The following USH2A variants were observed in gnomAD, a reference collection of about 807,000 sequenced individuals.
USH2A encodes the protein Usher syndrome 2A (autosomal recessive, mild).
USH2A carries 443 observed loss-of-function variants against 538.9 expected under a neutral mutation model. The ratio of observed to expected loss-of-function variants is 0.82; its 90% CI spans 0.76 to 0.89. USH2A has a LOEUF of 0.89. USH2A is among the 40% of genes least tolerant of loss of function. The pLI is 0.00. For missense variants in USH2A, 6,633 were observed against 6,324.8 expected (o/e 1.05, Z -1.65); for synonymous variants, 2,413 against 2,273.5 (o/e 1.06, Z -1.75).
chr1:216,068,151 C>T lies in USH2A; in HGVS notation c.6049+1950G>A, dbSNP rs75131591. On this transcript the variant is annotated intron_variant, in intron 30 of 71. Coordinates refer to ENST00000307340, the MANE Select transcript of USH2A (RefSeq NM_206933.4). Reference sequence around the variant, plus strand: ...ACATAGAGTGTCAAGTGTTTTTTGCCTATGTAAACATGGCAGTTTTTGGTG... The same window carrying T: ...ACATAGAGTGTCAAGTGTTTTTTGCTTATGTAAACATGGCAGTTTTTGGTG... 1.6e-3 allele frequency among the ~76,000 whole-genome samples: 249 copies of T among 152,110 alleles called. 8 individuals carry two copies. In the East Asian group the frequency reaches 0.043, roughly 26 times the overall value.
intron 44 of USH2A, among the ~76,000 whole-genome samples, chr1:215,853,029 A>G (rs574214511): frequency 1.4e-4 from 21 of 152,322 alleles, no homozygotes; most frequent in South Asian, 6.2e-4. Context: ...CAGTGCCCCA[A>G]TGAGGACTCA....
chr1:215,756,423 C>T (rs1660794536), intron 58 of USH2A, among the ~76,000 whole-genome samples: 1 of 152,194 alleles, frequency 6.6e-6, no homozygotes, highest in Admixed American at 6.5e-5. Flanking sequence ...ACTTCCCAGT[C>T]ATATGGCAAA....
At position 216,349,142 on chromosome 1, in the gene USH2A, C is replaced by T. The variant is rs756357218; in HGVS notation, c.784+15811G>A. On this transcript the variant is annotated intron_variant, in intron 4 of 71. Coordinates refer to ENST00000307340, the MANE Select transcript of USH2A (RefSeq NM_206933.4). ...TTCCAGGTATCAACTTTTGTCAGAA[C>T]TCAAGTATTCTGAATGGACCTTGAC... is the stretch of plus-strand genomic sequence containing the variant. 8.3e-4 allele frequency among the ~76,000 whole-genome samples: 127 copies of T among 152,186 alleles called. 1 individual carries two copies. Among genetic ancestry groups the T allele is most frequent in the Middle Eastern group, 3.4e-3 (1 of 294 alleles).
chr1:216,067,423 A>C (rs1558239999), intron 30 of USH2A, among the ~76,000 whole-genome samples: 2 of 152,004 alleles, frequency 1.3e-5, no homozygotes, highest in Non-Finnish European at 1.5e-5. Context: ...AATTAAAAAA[A>C]AAAGAAAGAA....
At chr1:215,925,274 G>T (rs550842285) in intron 38 of USH2A, among the ~76,000 whole-genome samples, 3 of 152,100 alleles carry the variant, frequency 2.0e-5, no homozygotes, top group South Asian at 4.1e-4. Context: ...AGAAAGCATG[G>T]GTTAAATTAA....
intron 21 of USH2A, among the ~76,000 whole-genome samples, chr1:216,128,316 G>A (rs2033298853): frequency 6.6e-6 from 1 of 152,046 alleles, no homozygotes; most frequent in Non-Finnish European, 1.5e-5. Flanking sequence ...AACGCAATGA[G>A]GCTTAGAGTG....
intron 4 of USH2A, among the ~76,000 whole-genome samples, chr1:216,345,073 G>T (rs1049377165): frequency 6.6e-6 from 1 of 151,872 alleles, no homozygotes; most frequent in South Asian, 2.1e-4. Context: ...TCAAGCGGCA[G>T]CCTGAACTTT....
chr1:215,640,785 T>C (rs770143161), intron 67 of USH2A, 51 bp from the exon 68 acceptor site: 12 of 1,571,732 alleles, frequency 7.6e-6, no homozygotes, highest in Admixed American at 1.8e-5. Context: ...TTTGAAGGAG[T>C]GCAGGTGTGC....
intron 4 of USH2A, among the ~76,000 whole-genome samples, chr1:216,347,746 T>C (rs763635033): frequency 3.3e-5 from 5 of 152,152 alleles, no homozygotes; most frequent in Non-Finnish European, 7.4e-5. Flanking sequence ...CTTTAATATA[T>C]GTCGTTCTAA....
At chr1:215,832,442 G>T (rs1663348222) in intron 47 of USH2A, among the ~76,000 whole-genome samples, 1 of 151,844 alleles carries the variant, frequency 6.6e-6, no homozygotes, top group Non-Finnish European at 1.5e-5. Flanking sequence ...TCACAACGAA[G>T]TTCTGGTTAT....
chr1:215,970,949 A>G (rs1667481305), intron 35 of USH2A, among the ~76,000 whole-genome samples, 173 bp from the exon 36 acceptor site: 1 of 151,772 alleles, frequency 6.6e-6, no homozygotes, highest in South Asian at 2.1e-4. Context: ...AATAGATGTT[A>G]CCCTTGAATA....
At chr1:216,091,477 C>T (rs570187808) in intron 22 of USH2A, among the ~76,000 whole-genome samples, 4 of 151,850 alleles carry the variant, frequency 2.6e-5, no homozygotes, top group South Asian at 4.1e-4. Flanking sequence ...TTAAAAGTTG[C>T]AGTTAACTTT....
chr1:216,104,254 C>T, intron 21 of USH2A, among the ~76,000 whole-genome samples: 2 of 147,462 alleles, frequency 1.4e-5, no homozygotes, highest in Non-Finnish European at 1.5e-5. Context: ...GTGTGATGTT[C>T]CCCTTCCTGT....
chr1:215,935,134 AGTT>A (rs1666461640), intron 37 of USH2A, among the ~76,000 whole-genome samples: 1 of 152,086 alleles, frequency 6.6e-6, no homozygotes, highest in African/African-American at 2.4e-5. Flanking sequence ...TTACTTGATG[AGTT>A]GTTTATACTT....
rs1382473384 is a variant in USH2A, at chr1:215,675,388, A to G, written c.12523T>C (p.Trp4175Arg). 1 of 1,614,074 alleles carries G rather than the reference A, an allele frequency of 6.2e-7. No individual in the cohort carries two copies. The highest frequency in any genetic ancestry group is 2.2e-5 in the East Asian group (1 of 44,884). ...SVKSTSVELS[W>R]SEPVNPNGKI... is the part of the protein sequence containing the mutation. ...CCATTTGGGTTAACAGGCTCAGACC[A>G]GCTCAGCTCAACACTGGTGGACTTC... The change falls in exon 63 of 72, where the codon TGG becomes CGG. Residue 4175 changes from tryptophan to arginine, a missense_variant. Trp to Arg is a moderately radical substitution (Grantham distance 101, BLOSUM62 -3). Transcript: ENST00000307340.
chr1:215,635,976 T>C (rs978114625), intron 69 of USH2A, among the ~76,000 whole-genome samples: 2 of 40,232 alleles, frequency 5.0e-5, no homozygotes, highest in Non-Finnish European at 5.1e-5. Flanking sequence ...GCGGCAGGGG[T>C]GGGGGTGGGG....
Position 216,089,008 on chromosome 1 carries a change from C to T in USH2A, c.4885+5G>A, listed in dbSNP as rs988696340. On this transcript the variant is annotated splice_donor_5th_base_variant and intron_variant, in intron 23 of 71. Coordinates refer to ENST00000307340, the MANE Select transcript of USH2A (RefSeq NM_206933.4). ...GGCTATTTATACATATCAAAAAGTA[C>T]TTACCTGTATATATCCCATCCAGAG... 1.9e-6 allele frequency: 3 copies of T among 1,613,106 alleles called. No individual in the cohort carries two copies. The highest frequency in any genetic ancestry group is 1.7e-5 in the Admixed American group (1 of 59,962).
chr1:215,636,665 C>T lies in USH2A; in HGVS notation c.15053-1962G>A, dbSNP rs139735843. On this transcript the variant is annotated intron_variant, in intron 69 of 71. Transcript: ENST00000307340. ...GCAGGGGAAGGGAGGGCAGCCTGCC[C>T]GAGGGAAGCCTCAAAAGGGAAATAG... Among the ~76,000 whole-genome samples the T allele has an allele frequency of 3.7e-3, 569 of 152,170 alleles. 2 individuals are homozygous for T. The highest frequency in any genetic ancestry group is 5.4e-3 in the Non-Finnish European group (366 of 68,024).
intron 43 of USH2A, among the ~76,000 whole-genome samples, chr1:215,868,019 G>A (rs775145206): frequency 6.6e-6 from 1 of 152,262 alleles, no homozygotes; most frequent in East Asian, 1.9e-4. Context: ...CTTAGACTGA[G>A]ATACTTGCTT....
Sources: gnomAD v4.1 joint callset for allele counts (sites outside exome capture counted in the v4.1 genomes callset) on GRCh38, gnomAD v4.1.1 for gene constraint, MANE v1.5 for transcripts, NCBI Gene and HGNC (gene_info 2026-07-23, HGNC 2026-07-21) for gene names.